Variants in C3 observed in about 807,000 individuals in gnomAD.
C3 encodes C3 and PZP-like alpha-2-macroglobulin domain-containing protein 1.
Under a neutral mutation model 207.9 loss-of-function variants are expected in C3, and 97 were observed. The observed-to-expected ratio is 0.47, with a 90% CI of 0.40 to 0.55. C3 has a LOEUF of 0.55. Ranked by LOEUF, C3 falls within the 20% of genes least tolerant of loss-of-function variation. C3 has a pLI of 0.00. For synonymous variants in C3, 848 were observed against 857.6 expected, an observed-to-expected ratio of 0.99 and a Z score of 0.20; for missense variants, 1,684 against 2,171.7, an observed-to-expected ratio of 0.78 and a Z score of 4.46.
At chr19:6,678,739 A>G (rs1428905138) in intron 38 of C3, among the ~76,000 whole-genome samples, 1 of 152,084 alleles carries the variant, frequency 6.6e-6, no homozygotes, top group Non-Finnish European at 1.5e-5. Flanking sequence ...ACTCATATGC[A>G]CAAAATACTG....
chr19:6,702,378 C>T, intron 18 of C3, 93 bp downstream of exon 18: 2 of 1,046,460 alleles, frequency 1.9e-6, no homozygotes, highest in Non-Finnish European at 3.0e-6. Flanking sequence ...TGGGGTTGCA[C>T]TGTGATTCCA....
chr19:6,697,945 G>A (rs1490281877), intron 19 of C3, 151 bp from the exon 20 acceptor site: 1 of 645,006 alleles, frequency 1.6e-6, no homozygotes, highest in Non-Finnish European at 2.7e-6. Context: ...TGTCAATGGC[G>A]ACAAATGACA....
In C3 at chr19:6,719,142, G is replaced by A; in HGVS notation, c.267+69C>T. The A allele has an allele frequency of 1.5e-6, 2 of 1,336,028 alleles. No individual in the cohort carries two copies. The highest frequency in any genetic ancestry group is 1.2e-5 in the South Asian group (1 of 85,320). The allele number at this position is 1,336,028 out of a possible 1,614,324, so 82.8% of individuals were successfully genotyped here. On this transcript the variant is annotated intron_variant, in intron 2 of 40. Transcript: ENST00000245907. The surrounding 1 kb of genome is among the most constrained non-coding windows in gnomAD (Gnocchi z 5.4). The stretch of plus-strand genomic sequence containing the variant: ...AAAGGGAGAAGACAGAAGGGGAGGG[G>A]CTCAGGAGGAGGGGGGGAGTGGGCG...
rs1455683720 is a variant in C3, at chr19:6,714,030, G to A, written c.735C>T (p.Ile245=). The A allele has an allele frequency of 6.2e-6, 10 of 1,610,928 alleles. No homozygotes were observed. The highest frequency in any genetic ancestry group is 1.3e-5 in the African/African-American group (1 of 74,080). Residue 245 remains isoleucine (I), a synonymous_variant, in exon 7 of 41, where the codon ATC becomes ATT. Coordinates refer to ENST00000245907, the MANE Select transcript of C3 (RefSeq NM_000064.4). ...IVEPTEKFYY[I]YNEKGLEVTI... ...TGACCTCCAGGCCCTTCTCGTTATA[G>A]ATGTAGTAGAATTTCTCTGTAGGCT...
chr19:6,705,777 C>T (rs549880841), intron 17 of C3, among the ~76,000 whole-genome samples: 46 of 152,084 alleles, frequency 3.0e-4, no homozygotes, highest in Non-Finnish European at 6.0e-4. Context: ...CAGGTTCAAG[C>T]GATTCTCCCA....
chr19:6,679,315 G>A (rs1470226611), intron 37 of C3, 92 bp downstream of exon 37: 8 of 1,431,268 alleles, frequency 5.6e-6, no homozygotes, highest in South Asian at 1.1e-5. Context: ...TATCCCCTGG[G>A]TATGGGTCTG....
At chr19:6,694,995 G>A (rs563565214) in intron 23 of C3, among the ~76,000 whole-genome samples, 1 of 152,272 alleles carries the variant, frequency 6.6e-6, no homozygotes, top group South Asian at 2.1e-4. Flanking sequence ...ACGAGGCTGG[G>A]CGCCGTGGCT....
intron 17 of C3, among the ~76,000 whole-genome samples, chr19:6,704,444 C>G (rs1386068853): frequency 6.6e-6 from 1 of 152,088 alleles, no homozygotes; most frequent in Non-Finnish European, 1.5e-5. Flanking sequence ...TAGCTGGAAT[C>G]CCTTAAAAAA....
In C3 at chr19:6,678,240, T is replaced by A. The variant is rs1302916307; in HGVS notation, c.4762A>T (p.Ile1588Phe). ...VGQQRTFISP[I>F]KCREALKLEE... ...AGCTTCAGGGCTTCTCTGCACTTGA[T>A]GGGGCTGATGAACGTGCGCTGCTGT... is the stretch of plus-strand genomic sequence containing the variant. Residue 1588 changes from isoleucine to phenylalanine, a missense_variant, in exon 40 of 41, where the codon ATC (isoleucine) becomes TTC (phenylalanine). Physicochemically the swap from Ile to Phe is conservative, Grantham distance 21. This residue lies in a region of C3 where 346 missense variants were observed against 380.1 expected (regional missense o/e 0.91). Coordinates refer to ENST00000245907, the MANE Select transcript of C3 (RefSeq NM_000064.4). 6.2e-7 allele frequency: 1 copy of A among 1,613,990 alleles called. No individual in the cohort carries two copies. Among genetic ancestry groups the A allele is most frequent in the African/African-American group, 1.3e-5 (1 of 74,894 alleles).
chr19:6,710,490 G>C, intron 13 of C3, 149 bp downstream of exon 13: 1 of 647,000 alleles, frequency 1.5e-6, no homozygotes, highest in South Asian at 1.8e-5. Flanking sequence ...GAGACAGAGA[G>C]GGAGGAGAGA....
Position 6,702,410 on chromosome 19 carries a change from T to C in C3, c.2354+61A>G, listed in dbSNP as rs1967695177. 2.2e-5 allele frequency: 25 copies of C among 1,120,060 alleles called. No homozygotes were observed. The South Asian group carries it at 3.1e-4, about 14-fold the overall frequency. The allele number at this position is 1,120,060 out of a possible 1,614,324, so 69.4% of individuals were successfully genotyped here. ...TCCAGAGAAGACCAGAGATAGCAGG[T>C]GCATGCAAATTAAACGGTCTGACTC... On this transcript the variant is annotated intron_variant, in intron 18 of 40. Coordinates refer to ENST00000245907, the MANE Select transcript of C3 (RefSeq NM_000064.4).
Position 6,719,401 on chromosome 19 carries a change from T to A in C3, c.77A>T (p.Tyr26Phe). The A allele has an allele frequency of 6.2e-7, 1 of 1,613,620 alleles. No individual in the cohort carries two copies. Among genetic ancestry groups the A allele is most frequent in the Non-Finnish European group, 8.5e-7 (1 of 1,179,728 alleles). Reference sequence around the variant, plus strand: ...CAAGATGTTGGGGGTGATGATAGAGTACCTGTCGGAGTGGGGCACGGGAGT... The same window carrying A: ...CAAGATGTTGGGGGTGATGATAGAGAACCTGTCGGAGTGGGGCACGGGAGT... ...HLPLALGSPM[Y>F]SIITPNILRL... The change falls in exon 2 of 41, where the codon TAC (tyrosine) becomes TTC (phenylalanine). Residue 26 changes from tyrosine to phenylalanine, a missense_variant and splice_region_variant. Tyr to Phe is a conservative substitution (Grantham distance 22). Coordinates refer to ENST00000245907, the MANE Select transcript of C3 (RefSeq NM_000064.4). This position sits in a 1 kb window ranked among gnomAD's most constrained non-coding sequence, Gnocchi z 5.4.
chr19:6,684,722 C>A, intron 31 of C3, 53 bp downstream of exon 31: 2 of 1,604,650 alleles, frequency 1.2e-6, no homozygotes, highest in South Asian at 2.2e-5. Context: ...AGGAGATGGT[C>A]CCTCTGGGGC....
At chr19:6,694,681 C>T in intron 23 of C3, 47 bp from the exon 24 acceptor site, 1 of 1,573,120 alleles carries the variant, frequency 6.4e-7, no homozygotes, top group Non-Finnish European at 8.6e-7. Context: ...GTGGGTGACC[C>T]ACCTTGGGGT....
chr19:6,698,056 C>T (rs1250477564), intron 19 of C3, among the ~76,000 whole-genome samples: 5 of 151,654 alleles, frequency 3.3e-5, no homozygotes, highest in Non-Finnish European at 7.4e-5. Context: ...AAGACTCTGT[C>T]GCCAGGCTGG....
intron 21 of C3, among the ~76,000 whole-genome samples, chr19:6,697,118 G>C (rs1055173023): frequency 1.3e-5 from 2 of 151,400 alleles, no homozygotes; most frequent in Non-Finnish European, 2.9e-5. Flanking sequence ...ATTGGTGATG[G>C]TCGACGAGGT....
intron 1 of C3, among the ~76,000 whole-genome samples, chr19:6,720,063 A>AT (rs199713383): frequency 0.56 from 84,771 of 151,478 alleles, 23,903 homozygotes; most frequent in East Asian, 0.66. Flanking sequence ...GAGTCTCCAA[A>AT]CACCCCCAAC....
intron 24 of C3, 80 bp from the exon 25 acceptor site, chr19:6,693,567 C>T: frequency 7.9e-7 from 1 of 1,261,112 alleles, no homozygotes. Context: ...GGGCGGGGTG[C>T]AGAGAGGGGA....
intron 14 of C3, 73 bp downstream of exon 14, chr19:6,709,611 T>TGCCACCC: frequency 3.6e-6 from 4 of 1,109,444 alleles, no homozygotes; most frequent in Non-Finnish European, 4.1e-6. Context: ...CCCTCTCCAG[T>TGCCACCC]CCCACCCACC....
Sources: allele counts gnomAD v4.1 joint callset (sites outside exome capture counted in the v4.1 genomes callset), GRCh38; gene constraint gnomAD v4.1.1; regional missense constraint gnomAD v4.1.1; non-coding constraint Gnocchi (gnomAD v3.1); transcripts MANE v1.5; gene names NCBI Gene and HGNC (gene_info 2026-07-23, HGNC 2026-07-21).